The following FRMD4A variants were observed in gnomAD, a reference collection of about 807,000 sequenced individuals.
FRMD4A encodes the protein FERM domain containing 4A, also known as FERM domain-containing protein 4A.
A neutral mutation model predicts 129.1 loss-of-function variants in FRMD4A; 29 were observed. The observed-to-expected ratio is 0.22, with a 90% CI of 0.17 to 0.31. The LOEUF is 0.31. FRMD4A is among the 10% of genes least tolerant of loss of function. The probability of loss-of-function intolerance (pLI) is 1.00; values close to 1 mark genes in which losing one functional copy is unlikely to be tolerated. For synonymous variants in FRMD4A, 634 were observed against 571.6 expected (o/e 1.11, Z -1.56); for missense variants, 1,272 against 1,375.8 (o/e 0.92, Z 1.19).
intron 3 of FRMD4A, among the ~76,000 whole-genome samples, chr10:13,833,310 G>A (rs960639552): frequency 1.3e-5 from 2 of 152,142 alleles, no homozygotes; most frequent in African/African-American, 4.8e-5. Flanking sequence ...GCTTGTGCAG[G>A]GGAACTCCCA....
At chr10:14,003,400 T>C (rs2095649896) in intron 2 of FRMD4A, 1 of 152,338 alleles carries the variant, frequency 6.6e-6, no homozygotes, top group Non-Finnish European at 1.5e-5. Context: ...GGTGTTGAGA[T>C]GTTCAAGAGA....
chr10:13,800,228 TC>T (rs2093223727), intron 4 of FRMD4A, among the ~76,000 whole-genome samples: 1 of 152,054 alleles, frequency 6.6e-6, no homozygotes, highest in African/African-American at 2.4e-5. Flanking sequence ...CTCTCAACGA[TC>T]AGTTTTCAAC....
chr10:13,781,743 TA>T (rs1246942503), intron 6 of FRMD4A, among the ~76,000 whole-genome samples: 10 of 152,082 alleles, frequency 6.6e-5, no homozygotes, highest in Non-Finnish European at 1.5e-4. Context: ...GACAAATATA[TA>T]TGATTCCACT....
intron 2 of FRMD4A, among the ~76,000 whole-genome samples, chr10:14,254,671 A>G (rs1280359214): frequency 5.9e-5 from 9 of 151,964 alleles, no homozygotes. Flanking sequence ...AAGTTGTATT[A>G]CTTCTCATCT....
At chr10:13,949,539 AAG>A (rs1284246755) in intron 2 of FRMD4A, among the ~76,000 whole-genome samples, 2 of 152,208 alleles carry the variant, frequency 1.3e-5, no homozygotes, top group Admixed American at 1.3e-4. Flanking sequence ...CTTAATCAAA[AAG>A]AACTCTGGGA....
chr10:13,698,239 C>T (rs1303310423), intron 14 of FRMD4A, among the ~76,000 whole-genome samples: 1 of 152,178 alleles, frequency 6.6e-6, no homozygotes. Context: ...ACCACTAGAC[C>T]TCACTTGTCT....
intron 2 of FRMD4A, among the ~76,000 whole-genome samples, chr10:14,185,582 G>C (rs140891812): frequency 2.6e-5 from 4 of 151,720 alleles, no homozygotes; most frequent in Non-Finnish European, 5.9e-5. Context: ...ATCTCGTCTT[G>C]TAAGAAAGAG....
chr10:13,706,807 GAC>G (rs1479501300), intron 13 of FRMD4A, among the ~76,000 whole-genome samples: 1 of 150,430 alleles, frequency 6.6e-6, no homozygotes, highest in Non-Finnish European at 1.5e-5. Context: ...GGCCAGATGA[GAC>G]AGTCAGGGGA....
intron 2 of FRMD4A, among the ~76,000 whole-genome samples, chr10:13,866,750 A>C (rs970115819): frequency 1.3e-4 from 20 of 152,282 alleles, no homozygotes; most frequent in African/African-American, 4.3e-4. Flanking sequence ...ACTTGAGGTC[A>C]AGATCAGCTT....
chr10:13,767,323 C>T (rs1447108380), intron 6 of FRMD4A, among the ~76,000 whole-genome samples: 1 of 152,096 alleles, frequency 6.6e-6, no homozygotes, highest in Non-Finnish European at 1.5e-5. Context: ...ACAGCAACCT[C>T]CGCCTTCTGG....
chr10:14,089,633 A>AC (rs386370757), intron 2 of FRMD4A, among the ~76,000 whole-genome samples: 4 of 143,110 alleles, frequency 2.8e-5, no homozygotes, highest in Admixed American at 1.4e-4. Flanking sequence ...AAAAAAACAA[A>AC]AAAAAACAAA....
chr10:13,931,775 T>TAAAAAAA (rs59824238), intron 2 of FRMD4A, among the ~76,000 whole-genome samples: 80 of 129,266 alleles, frequency 6.2e-4, no homozygotes, highest in Admixed American at 2.2e-3. Context: ...TCATCTTTAC[T>TAAAAAAA]AAAAAAAAAA....
At chr10:14,151,666 T>C (rs1436873597) in intron 2 of FRMD4A, among the ~76,000 whole-genome samples, 1 of 152,130 alleles carries the variant, frequency 6.6e-6, no homozygotes, top group East Asian at 1.9e-4. Flanking sequence ...TATATATATA[T>C]GAAAAAACAG....
intron 2 of FRMD4A, among the ~76,000 whole-genome samples, chr10:14,195,016 C>G (rs1174547177): frequency 6.6e-6 from 1 of 152,176 alleles, no homozygotes; most frequent in Non-Finnish European, 1.5e-5. Flanking sequence ...ATCATCATCT[C>G]TGTTTCCTTA....
intron 2 of FRMD4A, among the ~76,000 whole-genome samples, chr10:14,322,475 C>A (rs1465874369): frequency 3.9e-5 from 6 of 152,158 alleles, no homozygotes; most frequent in Non-Finnish European, 8.8e-5. Flanking sequence ...GAGCTTGGGG[C>A]AAGGCCTGAG....
intron 2 of FRMD4A, among the ~76,000 whole-genome samples, chr10:14,215,504 T>C (rs1025809830): frequency 5.9e-5 from 9 of 152,188 alleles, no homozygotes; most frequent in Admixed American, 2.0e-4. Flanking sequence ...TTAAACTTCA[T>C]AAACTAAAAT....
intron 6 of FRMD4A, among the ~76,000 whole-genome samples, chr10:13,782,448 CT>C (rs66527369): frequency 0.58 from 78,356 of 135,878 alleles, 23,170 homozygotes; most frequent in East Asian, 0.81. Context: ...ATTATTATTC[CT>C]TTTTTTTTTT....
chr10:14,000,814 A>G (rs1008733), intron 2 of FRMD4A, among the ~76,000 whole-genome samples: 42,771 of 151,878 alleles, frequency 0.28, 7,266 homozygotes, highest in East Asian at 0.73. Flanking sequence ...GCTAGATTGG[A>G]TGTTTTTGAT....
rs570561526 is a variant in FRMD4A, at chr10:14,319,647, C to T, written c.45+10411G>A. On this transcript the variant is annotated intron_variant, in intron 2 of 24. Transcript: ENST00000357447. ...ACTGTCTTGCATCACAAGGTGATTA[C>T]ACTCCATTAGAATGCACCTCTCTCA... Among the ~76,000 whole-genome samples the T allele has an allele frequency of 1.8e-4, 27 of 152,276 alleles. No individual in the cohort carries two copies. In the South Asian group the frequency reaches 2.5e-3, roughly 14 times the overall value.
Sources: allele counts gnomAD v4.1 joint callset (sites outside exome capture counted in the v4.1 genomes callset), GRCh38; gene constraint gnomAD v4.1.1; transcripts MANE v1.5; gene names NCBI Gene and HGNC (gene_info 2026-07-23, HGNC 2026-07-21).